The following PTCD2 variants were observed in gnomAD, a reference collection of about 807,000 sequenced individuals.
PTCD2 encodes the protein pentatricopeptide repeat domain 2, also known as pentatricopeptide repeat-containing protein 2, mitochondrial.
PTCD2 carries 31 observed loss-of-function variants against 42.6 expected under a neutral mutation model. The observed-to-expected ratio is 0.73, with a 90% CI of 0.55 to 0.98. PTCD2 has a LOEUF of 0.98. PTCD2 is among the 50% of genes least tolerant of loss of function. The pLI, the probability that PTCD2 is intolerant of heterozygous loss-of-function variation, is 0.00. For synonymous variants in PTCD2, 183 were observed against 170.9 expected, an observed-to-expected ratio of 1.07 and a Z score of -0.55; for missense variants, 476 against 454.8, an observed-to-expected ratio of 1.05 and a Z score of -0.42.
At chr5:72,341,942 G>A (rs1752086287) in intron 7 of PTCD2, among the ~76,000 whole-genome samples, 1 of 151,958 alleles carries the variant, frequency 6.6e-6, no homozygotes, top group South Asian at 2.1e-4. Context: ...CTACTCTGGA[G>A]GCTGAGGCAG....
chr5:72,358,269 G>A lies in PTCD2; in HGVS notation c.1009G>A (p.Gly337Arg). The A allele has an allele frequency of 6.2e-7, 1 of 1,614,062 alleles. No individual in the cohort carries two copies. Among genetic ancestry groups the A allele is most frequent in the Non-Finnish European group, 8.5e-7 (1 of 1,179,992 alleles). Residue 337 changes from glycine (G) to arginine (R), a missense_variant, in exon 10 of 10, where the codon GGG (glycine) becomes AGG (arginine). By Grantham distance (125) the Gly-to-Arg change is moderately radical (BLOSUM62 -2). Transcript: ENST00000380639. Reference protein sequence around the residue: ...ALVAKFDEIYGTLHITGQVTT... With the variant: ...ALVAKFDEIYRTLHITGQVTT... ...TGTGGCCAAATTTGATGAGATCTAT[G>A]GGACACTGCACATCACTGGCCAGGT...
rs987374774 is a variant in PTCD2 at position 72,368,164 on chromosome 5, A to G, written c.*9737A>G. The G allele has an allele frequency of 2.0e-5, 3 of 152,196 alleles. No individual in the cohort carries two copies. The highest frequency in any genetic ancestry group is 4.4e-5 in the Non-Finnish European group (3 of 68,042). 9.4% of individuals were successfully genotyped at this position (152,196 alleles called of 1,614,324 possible). On this transcript the variant is annotated 3_prime_UTR_variant, in exon 10 of 10. Coordinates refer to ENST00000380639, the MANE Select transcript of PTCD2 (RefSeq NM_024754.5). Reference sequence around the variant, plus strand: ...TTGTTGATGATTTAATGCTATTGAAATGTTCTTATATGCAAAACACCTAGA... The same window carrying G: ...TTGTTGATGATTTAATGCTATTGAAGTGTTCTTATATGCAAAACACCTAGA...
chr5:72,345,509 G>A (rs1752313738), intron 8 of PTCD2, among the ~76,000 whole-genome samples: 1 of 152,172 alleles, frequency 6.6e-6, no homozygotes, highest in Non-Finnish European at 1.5e-5. Flanking sequence ...AAATCACAAG[G>A]GTATTGATTG....
intron 2 of PTCD2, among the ~76,000 whole-genome samples, chr5:72,324,159 G>A (rs548997314): frequency 1.3e-5 from 2 of 152,306 alleles, no homozygotes; most frequent in African/African-American, 4.8e-5. Context: ...GAGGTTTGCA[G>A]TTAGGGCTTC....
At chr5:72,355,061 A>T (rs1225906247) in intron 9 of PTCD2, among the ~76,000 whole-genome samples, 1 of 152,060 alleles carries the variant, frequency 6.6e-6, no homozygotes, top group African/African-American at 2.4e-5. Context: ...ACACTACGAT[A>T]AAAAAAACAA....
At chr5:72,350,579 A>G (rs1752575730) in intron 8 of PTCD2, among the ~76,000 whole-genome samples, 1 of 152,238 alleles carries the variant, frequency 6.6e-6, no homozygotes, top group Admixed American at 6.5e-5. Context: ...AGGCATGCAG[A>G]AATTTGAGAG....
At chr5:72,342,665 C>T (rs1002273991) in intron 7 of PTCD2, among the ~76,000 whole-genome samples, 5 of 152,182 alleles carry the variant, frequency 3.3e-5, no homozygotes, top group Admixed American at 6.5e-5. Context: ...AGGCTTTGCA[C>T]TTTGTTCTTC....
intron 1 of PTCD2, among the ~76,000 whole-genome samples, chr5:72,321,552 G>A (rs186729702): frequency 2.0e-5 from 3 of 152,240 alleles, no homozygotes; most frequent in Admixed American, 1.3e-4. Context: ...GTGATTCTTC[G>A]GCCACGCTTG....
intron 9 of PTCD2, among the ~76,000 whole-genome samples, chr5:72,354,693 A>T (rs897152371): frequency 3.9e-5 from 6 of 152,244 alleles, no homozygotes; most frequent in African/African-American, 1.4e-4. Flanking sequence ...CACTACAAAT[A>T]CTTTCACCCT....
In PTCD2 at chr5:72,363,908, T is replaced by C. The variant is rs1399859490; in HGVS notation, c.*5481T>C. On this transcript the variant is annotated 3_prime_UTR_variant, in exon 10 of 10. Transcript: ENST00000380639. Reference sequence around the variant, plus strand: ...TTCATAACATTTCTACCTATAAATTTGATTCAGAGAAATTACACTTCATAG... The same window carrying C: ...TTCATAACATTTCTACCTATAAATTCGATTCAGAGAAATTACACTTCATAG... 6.6e-6 allele frequency: 1 copy of C among 152,196 alleles called. No homozygotes were observed. Among genetic ancestry groups the C allele is most frequent in the Non-Finnish European group, 1.5e-5 (1 of 68,038 alleles). 9.4% of individuals were successfully genotyped at this position (152,196 alleles called of 1,614,324 possible). A position where few individuals can be genotyped will look rare whatever the true frequency, so the allele number is the denominator to read the frequency against.
intron 8 of PTCD2, among the ~76,000 whole-genome samples, chr5:72,348,732 A>G (rs888179039): frequency 6.6e-6 from 1 of 152,266 alleles, no homozygotes; most frequent in Non-Finnish European, 1.5e-5. Context: ...TTTGAATTCT[A>G]ATCATTTATG....
intron 9 of PTCD2, among the ~76,000 whole-genome samples, chr5:72,353,892 T>G (rs1409313304): frequency 6.6e-6 from 1 of 152,232 alleles, no homozygotes; most frequent in Non-Finnish European, 1.5e-5. Context: ...AATACACAAG[T>G]ACTAGATATA....
chr5:72,326,572 T>A (rs1484059043), intron 2 of PTCD2, 40 bp from the exon 3 acceptor site: 2 of 1,610,946 alleles, frequency 1.2e-6, no homozygotes. Flanking sequence ...ATACTCTCAG[T>A]CAGCCTGAGT....
intron 1 of PTCD2, among the ~76,000 whole-genome samples, chr5:72,321,829 A>T (rs535983797): frequency 7.9e-5 from 12 of 151,932 alleles, no homozygotes; most frequent in African/African-American, 1.7e-4. Context: ...TTTTTTTTTT[A>T]AATGCCCTTG....
chr5:72,352,840 C>T, intron 9 of PTCD2, 86 bp downstream of exon 9: 1 of 691,564 alleles, frequency 1.4e-6, no homozygotes, highest in East Asian at 3.0e-5. Context: ...CTAAAGCTTA[C>T]CTTAAAGAAA....
intron 2 of PTCD2, among the ~76,000 whole-genome samples, chr5:72,322,767 ATG>A (rs1423500814): frequency 1.3e-5 from 2 of 152,232 alleles, no homozygotes; most frequent in Non-Finnish European, 2.9e-5. Context: ...AAACAGTACT[ATG>A]TGTGATGATA....
At position 72,335,879 on chromosome 5, in the gene PTCD2, C is replaced by A; in HGVS notation, c.633C>A (p.Tyr211Ter). 6.2e-7 allele frequency: 1 copy of A among 1,603,424 alleles called. No homozygotes were observed. Among genetic ancestry groups the A allele is most frequent in the Non-Finnish European group, 8.5e-7 (1 of 1,170,386 alleles). Residue 211 changes from tyrosine to a stop codon, truncating the protein, a stop_gained, in exon 6 of 10, where the codon TAC (tyrosine) becomes TAA (stop). Coordinates refer to ENST00000380639, the MANE Select transcript of PTCD2 (RefSeq NM_024754.5). LOFTEE classifies it high-confidence loss of function. Reference protein sequence around the residue: ...DTYVLAFAICYKLNSPESFKI... With the variant: ...DTYVLAFAIC ...ATGTTCTTGCTTTTGCAATTTGCTA[C>A]AAACTGGTAAGACTCTTTCCTCTTA... is the stretch of plus-strand genomic sequence containing the variant.
At chr5:72,345,224 G>A (rs1346546293) in intron 8 of PTCD2, among the ~76,000 whole-genome samples, 1 of 152,212 alleles carries the variant, frequency 6.6e-6, no homozygotes, top group Non-Finnish European at 1.5e-5. Flanking sequence ...AAAGAATTCA[G>A]TGATATTTCT....
At chr5:72,323,680 C>T (rs987441665) in intron 2 of PTCD2, among the ~76,000 whole-genome samples, 2 of 152,064 alleles carry the variant, frequency 1.3e-5, no homozygotes, top group African/African-American at 4.8e-5. Flanking sequence ...GAGACAGTCT[C>T]GCTCTGTCAC....
Sources: allele counts gnomAD v4.1 joint callset (sites outside exome capture counted in the v4.1 genomes callset), GRCh38; gene constraint gnomAD v4.1.1; transcripts MANE v1.5; gene names NCBI Gene and HGNC (gene_info 2026-07-23, HGNC 2026-07-21).